Variants in COG5 observed in about 807,000 individuals in gnomAD.
COG5 encodes the protein conserved oligomeric Golgi complex subunit 5.
COG5 carries 86 observed loss-of-function variants against 110.4 expected under a neutral mutation model. The observed-to-expected ratio is 0.78, with a 90% confidence interval of 0.65 to 0.93. The LOEUF is 0.93. Ranked by LOEUF, COG5 falls within the 40% of genes least tolerant of loss-of-function variation. The pLI is 0.00. For synonymous variants in COG5, 360 were observed against 334.6 expected (o/e 1.08, Z -0.83); for missense variants, 1,077 against 987.0 (o/e 1.09, Z -1.22).
intron 10 of COG5, among the ~76,000 whole-genome samples, chr7:107,353,675 G>T (rs2129042687): frequency 6.6e-6 from 1 of 152,240 alleles, no homozygotes; most frequent in Admixed American, 6.5e-5. Context: ...GTTATGAGCT[G>T]AGAGGAATGA....
chr7:107,463,147 G>A (rs1275273491), intron 6 of COG5, among the ~76,000 whole-genome samples: 2 of 152,242 alleles, frequency 1.3e-5, no homozygotes. Flanking sequence ...GCCGTAATGA[G>A]TCAATTGCTT....
At chr7:107,427,244 C>T (rs921502450) in intron 6 of COG5, among the ~76,000 whole-genome samples, 12 of 152,152 alleles carry the variant, frequency 7.9e-5, no homozygotes, top group African/African-American at 2.9e-4. Flanking sequence ...TTCCAAACTA[C>T]CACGGACTTC....
chr7:107,367,079 T>A (rs1813691010), intron 8 of COG5, among the ~76,000 whole-genome samples: 14 of 95,746 alleles, frequency 1.5e-4, no homozygotes, highest in Admixed American at 1.3e-3. Context: ...GTCACCTTTT[T>A]TGTCTCCTAC....
Position 107,522,132 on chromosome 7 carries a change from C to A in COG5, c.538+5105G>T, listed in dbSNP as rs1347265485. On this transcript the variant is annotated intron_variant, in intron 6 of 21. Coordinates refer to ENST00000297135, the MANE Select transcript of COG5 (RefSeq NM_006348.5). Reference sequence around the variant, plus strand: ...CCAGGGACTGTCAGGGGGCAGGGGGCAGGGGAGAGAGAGCATTAGGATAAA... The same window carrying A: ...CCAGGGACTGTCAGGGGGCAGGGGGAAGGGGAGAGAGAGCATTAGGATAAA... 2.0e-5 allele frequency among the ~76,000 whole-genome samples: 3 copies of A among 152,090 alleles called. No homozygotes were observed. The East Asian group carries it at 5.8e-4, about 29-fold the overall frequency.
At position 107,256,724 on chromosome 7, in the gene COG5, T is replaced by C. The variant is rs1271239347; in HGVS notation, c.1749+8A>G. 2 of 1,596,056 alleles carry C rather than the reference T, an allele frequency of 1.3e-6. No individual in the cohort carries two copies. Among genetic ancestry groups the C allele is most frequent in the East Asian group, 4.5e-5 (2 of 44,712 alleles). ...TGATCTATAGAGTCAAAGATTAAAT[T>C]CTTTTACCTTTAGAGCTGAAATTAT... On this transcript the variant is annotated splice_region_variant and intron_variant, in intron 16 of 21. Transcript: ENST00000297135.
intron 6 of COG5, among the ~76,000 whole-genome samples, chr7:107,514,155 G>T (rs529139265): frequency 1.5e-4 from 23 of 151,792 alleles, no homozygotes; most frequent in African/African-American, 5.1e-4. Flanking sequence ...GACCATAAGC[G>T]ATTAAAATTA....
chr7:107,388,241 C>T (rs962359677), intron 7 of COG5, among the ~76,000 whole-genome samples: 2 of 152,208 alleles, frequency 1.3e-5, no homozygotes, highest in Non-Finnish European at 1.5e-5. Flanking sequence ...TCCACACAAC[C>T]CTGAATTTGG....
intron 10 of COG5, among the ~76,000 whole-genome samples, chr7:107,358,927 C>G (rs1479656222): frequency 6.6e-6 from 1 of 152,122 alleles, no homozygotes; most frequent in African/African-American, 2.4e-5. Flanking sequence ...TTTCCTTTTG[C>G]TGATTTTGCT....
chr7:107,273,914 T>A (rs1804480869), intron 14 of COG5, among the ~76,000 whole-genome samples: 1 of 152,098 alleles, frequency 6.6e-6, no homozygotes, highest in Admixed American at 6.6e-5. Context: ...CAATAAAGAT[T>A]AGAAAATGTG....
chr7:107,373,353 CAG>C (rs1433111025), intron 7 of COG5, among the ~76,000 whole-genome samples: 1 of 151,982 alleles, frequency 6.6e-6, no homozygotes, highest in African/African-American at 2.4e-5. Flanking sequence ...ATAAATAAAA[CAG>C]AATAACGGGT....
intron 6 of COG5, among the ~76,000 whole-genome samples, chr7:107,501,806 T>C (rs771676188): frequency 6.6e-6 from 1 of 152,092 alleles, no homozygotes; most frequent in African/African-American, 2.4e-5. Context: ...CTGAACCCAG[T>C]CACATATGTA....
chr7:107,266,878 C>A (rs531066087), intron 14 of COG5, among the ~76,000 whole-genome samples: 1 of 152,218 alleles, frequency 6.6e-6, no homozygotes, highest in East Asian at 1.9e-4. Flanking sequence ...TTAAATTTAT[C>A]AAATATTTGA....
intron 10 of COG5, among the ~76,000 whole-genome samples, chr7:107,325,662 A>C (rs943172887): frequency 2.0e-5 from 3 of 152,096 alleles, no homozygotes; most frequent in Admixed American, 6.5e-5. Flanking sequence ...AGAAGCAAAC[A>C]AACAAACAAA....
At chr7:107,508,807 C>A (rs1008963424) in intron 6 of COG5, among the ~76,000 whole-genome samples, 1 of 152,192 alleles carries the variant, frequency 6.6e-6, no homozygotes, top group African/African-American at 2.4e-5. Context: ...GGACCTCTAG[C>A]AAACTCCAAC....
At chr7:107,260,160 T>C (rs915209779) in intron 14 of COG5, among the ~76,000 whole-genome samples, 12 of 151,130 alleles carry the variant, frequency 7.9e-5, no homozygotes, top group African/African-American at 2.9e-4. Flanking sequence ...TTCATAATAA[T>C]AAGAAAATAG....
intron 10 of COG5, among the ~76,000 whole-genome samples, chr7:107,325,231 T>C (rs778872906): frequency 1.3e-5 from 2 of 152,346 alleles, no homozygotes; most frequent in Non-Finnish European, 2.9e-5. Flanking sequence ...ACTGTTAAAA[T>C]AGAATCACAC....
At chr7:107,401,653 C>T (rs1199068842) in intron 7 of COG5, among the ~76,000 whole-genome samples, 1 of 152,136 alleles carries the variant, frequency 6.6e-6, no homozygotes, top group Non-Finnish European at 1.5e-5. Context: ...GGAAAAATTA[C>T]TGAAACTCTA....
chr7:107,517,832 G>A (rs1800042656), intron 6 of COG5, among the ~76,000 whole-genome samples: 1 of 151,938 alleles, frequency 6.6e-6, no homozygotes, highest in African/African-American at 2.4e-5. Context: ...TGAGTAGCTG[G>A]GATTACAGGT....
chr7:107,279,569 T>C (rs572768748), intron 14 of COG5, among the ~76,000 whole-genome samples: 22 of 152,080 alleles, frequency 1.4e-4, no homozygotes, highest in Non-Finnish European at 2.5e-4. Context: ...TTTTAGCACA[T>C]TGAGGGGTAG....
Sources: allele counts gnomAD v4.1 joint callset (sites outside exome capture counted in the v4.1 genomes callset), GRCh38; gene constraint gnomAD v4.1.1; transcripts MANE v1.5; gene names NCBI Gene and HGNC (gene_info 2026-07-23, HGNC 2026-07-21).